The following RASAL2 variants were observed in gnomAD, a reference collection of about 807,000 sequenced individuals.
RASAL2 encodes RAS protein activator like 2.
Under a neutral mutation model 128.9 loss-of-function variants are expected in RASAL2, and 58 were observed. The observed-to-expected ratio is 0.45, with a 90% CI of 0.36 to 0.56. The LOEUF (loss-of-function observed/expected upper bound fraction) is 0.56, where lower values mean the gene tolerates loss of function less well. Among genes scored for constraint, RASAL2 ranks in the 20% least tolerant of loss-of-function variants. The probability of loss-of-function intolerance (pLI) is 0.00; values close to 1 mark genes in which losing one functional copy is unlikely to be tolerated. For missense variants in RASAL2, 1,360 were observed against 1,601.6 expected, an observed-to-expected ratio of 0.85 and a Z score of 2.57; for synonymous variants, 561 against 580.8, an observed-to-expected ratio of 0.97 and a Z score of 0.49.
At chr1:178,195,515 A>G (rs1415328082) in intron 1 of RASAL2, among the ~76,000 whole-genome samples, 8 of 152,200 alleles carry the variant, frequency 5.3e-5, no homozygotes. Context: ...AATGAAGTAT[A>G]TAAGAATATA....
intron 1 of RASAL2, among the ~76,000 whole-genome samples, chr1:178,233,071 T>G (rs765949095): frequency 6.6e-6 from 1 of 152,222 alleles, no homozygotes; most frequent in Non-Finnish European, 1.5e-5. Context: ...CAAGAGGTTT[T>G]TAGGTGCTGC....
At chr1:178,282,254 C>G (rs1666819803) in intron 1 of RASAL2, among the ~76,000 whole-genome samples, 1 of 152,080 alleles carries the variant, frequency 6.6e-6, no homozygotes, top group South Asian at 2.1e-4. Context: ...GATAAACCCC[C>G]AAACATGCAG....
chr1:178,457,925 A>T lies in RASAL2; in HGVS notation c.2633A>T (p.Gln878Leu). Reference sequence around the variant, plus strand: ...GTGCCTATACGCTTGACCGGAAGCCAGCTTTCCATAACCCAGGTGGCCAGC... The same window carrying T: ...GTGCCTATACGCTTGACCGGAAGCCTGCTTTCCATAACCCAGGTGGCCAGC... ...LDVPIRLTGS[Q>L]LSITQVASIK... is the part of the protein sequence containing the mutation. The change falls in exon 14 of 18, where the codon CAG (glutamine) becomes CTG (leucine). Residue 878 changes from glutamine to leucine, a missense_variant. Gln to Leu is a moderately radical substitution (Grantham distance 113, BLOSUM62 -2). Around this residue, in one of 3 missense-constraint regions of RASAL2, gnomAD observed 741 missense variants for 868.6 expected, o/e 0.85. Coordinates refer to ENST00000367649, the MANE Select transcript of RASAL2 (RefSeq NM_170692.4). 3 of 1,614,190 alleles carry T rather than the reference A, an allele frequency of 1.9e-6. No individual in the cohort carries two copies. Among genetic ancestry groups the T allele is most frequent in the Non-Finnish European group, 2.5e-6 (3 of 1,180,020 alleles).
chr1:178,471,082 GTCATTCT>G (rs1239889346), intron 17 of RASAL2, among the ~76,000 whole-genome samples: 1 of 152,176 alleles, frequency 6.6e-6, no homozygotes, highest in Non-Finnish European at 1.5e-5. Flanking sequence ...AGTAATTACA[GTCATTCT>G]TAGGCTTTTT....
intron 4 of RASAL2, among the ~76,000 whole-genome samples, chr1:178,409,605 G>A (rs1053897574): frequency 2.0e-5 from 3 of 152,164 alleles, no homozygotes; most frequent in Admixed American, 6.5e-5. Flanking sequence ...GGAATGGTAA[G>A]TCGTTACCAG....
intron 3 of RASAL2, among the ~76,000 whole-genome samples, chr1:178,318,262 A>G (rs1668581969): frequency 6.8e-6 from 1 of 147,710 alleles, no homozygotes; most frequent in South Asian, 2.2e-4. Context: ...AAAAAAATGT[A>G]TATTCTGTTG....
chr1:178,304,948 G>A (rs12047646), intron 3 of RASAL2, among the ~76,000 whole-genome samples: 12,080 of 152,196 alleles, frequency 0.079, 549 homozygotes, highest in Middle Eastern at 0.14. Flanking sequence ...AACAAATTCA[G>A]TAAAGTTACA....
intron 13 of RASAL2, among the ~76,000 whole-genome samples, chr1:178,457,473 T>C (rs914676321): frequency 2.0e-5 from 3 of 152,230 alleles, no homozygotes; most frequent in African/African-American, 7.2e-5. Context: ...GTATCTACAG[T>C]GTTATTCTGT....
intron 6 of RASAL2, among the ~76,000 whole-genome samples, chr1:178,440,401 A>G (rs1490479125): frequency 6.6e-6 from 1 of 152,026 alleles, no homozygotes; most frequent in Non-Finnish European, 1.5e-5. Flanking sequence ...TCATTTCAAC[A>G]TGTTCACTAT....
chr1:178,241,771 G>A (rs1434831702), intron 1 of RASAL2, among the ~76,000 whole-genome samples: 1 of 152,128 alleles, frequency 6.6e-6, no homozygotes, highest in Non-Finnish European at 1.5e-5. Flanking sequence ...GCTGTTAAAT[G>A]CAGGAAATAA....
intron 2 of RASAL2, among the ~76,000 whole-genome samples, chr1:178,284,291 A>C (rs956523561): frequency 6.6e-6 from 1 of 152,198 alleles, no homozygotes; most frequent in Non-Finnish European, 1.5e-5. Context: ...CCAAACAAAA[A>C]TGGCCAGCAG....
chr1:178,171,364 G>T (rs980314736), intron 1 of RASAL2, among the ~76,000 whole-genome samples: 1 of 151,844 alleles, frequency 6.6e-6, no homozygotes. Context: ...AAGGCTAACT[G>T]CAGACTGTCA....
At chr1:178,367,108 C>G (rs1671443463) in intron 3 of RASAL2, among the ~76,000 whole-genome samples, 1 of 152,074 alleles carries the variant, frequency 6.6e-6, no homozygotes, top group African/African-American at 2.4e-5. Flanking sequence ...AAAACCTTGC[C>G]CATCACTCTT....
intron 1 of RASAL2, among the ~76,000 whole-genome samples, chr1:178,182,161 C>T (rs892233738): frequency 1.3e-5 from 2 of 152,176 alleles, no homozygotes; most frequent in Admixed American, 6.5e-5. Context: ...TTTATTCATA[C>T]CTTGCATTAC....
At chr1:178,456,347 C>G in intron 12 of RASAL2, 1 of 267,628 alleles carries the variant, frequency 3.7e-6, no homozygotes, top group Non-Finnish European at 7.3e-6. Context: ...TTTGGTTCTG[C>G]CTCCACCCTC....
intron 14 of RASAL2, among the ~76,000 whole-genome samples, chr1:178,463,975 C>T (rs1001652976): frequency 1.3e-5 from 2 of 152,262 alleles, no homozygotes; most frequent in African/African-American, 4.8e-5. Context: ...TTGTTACCTA[C>T]CAGTATTTGG....
intron 3 of RASAL2, among the ~76,000 whole-genome samples, chr1:178,317,508 G>A (rs1224442247): frequency 1.3e-5 from 2 of 150,522 alleles, no homozygotes. Context: ...ACTTCTTTCT[G>A]GTTTAGTCTT....
intron 1 of RASAL2, among the ~76,000 whole-genome samples, chr1:178,225,677 A>G (rs1663761061): frequency 6.6e-6 from 1 of 151,278 alleles, no homozygotes; most frequent in African/African-American, 2.4e-5. Context: ...TTCTTTTTGT[A>G]TGTATATATA....
intron 3 of RASAL2, among the ~76,000 whole-genome samples, chr1:178,324,027 G>A (rs1275308615): frequency 1.3e-5 from 2 of 152,210 alleles, no homozygotes; most frequent in African/African-American, 4.8e-5. Context: ...CACCAGCTTT[G>A]AAGTTGTCTT....
Sources: gnomAD v4.1 joint callset for allele counts (sites outside exome capture counted in the v4.1 genomes callset) on GRCh38, gnomAD v4.1.1 for gene constraint, gnomAD v4.1.1 regional missense constraint, MANE v1.5 for transcripts, NCBI Gene and HGNC (gene_info 2026-07-23, HGNC 2026-07-21) for gene names.